The following HIPK2 variants were observed in gnomAD, a reference collection of about 807,000 sequenced individuals.
The protein encoded by HIPK2 is homeodomain-interacting protein kinase 2.
Under a neutral mutation model 113.7 loss-of-function variants are expected in HIPK2, and 27 were observed. The ratio of observed to expected loss-of-function variants is 0.24; its 90% CI spans 0.17 to 0.33. HIPK2 has a LOEUF of 0.33. HIPK2 is among the 10% of genes least tolerant of loss of function. The pLI is 1.00. For synonymous variants in HIPK2, 631 were observed against 642.2 expected (o/e 0.98, Z 0.26); for missense variants, 1,257 against 1,588.0 (o/e 0.79, Z 3.54).
At chr7:139,688,069 G>A (rs1794281738) in intron 2 of HIPK2, among the ~76,000 whole-genome samples, 1 of 152,072 alleles carries the variant, frequency 6.6e-6, no homozygotes, top group Admixed American at 6.5e-5. Flanking sequence ...AGCCCATTGG[G>A]CCTGCAGGGA....
intron 1 of HIPK2, among the ~76,000 whole-genome samples, chr7:139,738,476 T>C (rs1796003525): frequency 6.6e-6 from 1 of 152,244 alleles, no homozygotes; most frequent in Non-Finnish European, 1.5e-5. Flanking sequence ...TTAATTTAAA[T>C]AGCTACTTGT....
At position 139,575,168 on chromosome 7, in the gene HIPK2, C is replaced by A; in HGVS notation, c.3086G>T (p.Gly1029Val). The A allele has an allele frequency of 4.4e-6, 7 of 1,593,458 alleles. No homozygotes were observed. The highest frequency in any genetic ancestry group is 6.0e-6 in the Non-Finnish European group (7 of 1,170,714). ...TGGCTGCTGCTGCTGGAAGTGGGGG[C>A]CCGGCCGCTGCTGCCGGTAGGTGAT... Reference protein sequence around the residue: ...GAITYRQQRPGPHFQQQQPLN... With the variant: ...GAITYRQQRPVPHFQQQQPLN... The change falls in exon 14 of 15, where the codon GGC (glycine) becomes GTC (valine). Residue 1029 changes from glycine (G) to valine (V), a missense_variant. By Grantham distance (109) the Gly-to-Val change is moderately radical (BLOSUM62 -3). This residue lies in a region of HIPK2 where 862 missense variants were observed against 1,004.3 expected (regional missense o/e 0.86). Coordinates refer to ENST00000406875, the MANE Select transcript of HIPK2 (RefSeq NM_022740.5).
intron 9 of HIPK2, among the ~76,000 whole-genome samples, chr7:139,609,494 G>C (rs990591844): frequency 1.3e-5 from 2 of 152,182 alleles, no homozygotes; most frequent in Non-Finnish European, 2.9e-5. Flanking sequence ...AAGATTTTCA[G>C]TATTTAGAGA....
rs1795583850 is a variant in HIPK2, at chr7:139,726,603, T to A, written c.20-9588A>T. 3.3e-5 allele frequency among the ~76,000 whole-genome samples: 5 copies of A among 152,310 alleles called. No homozygotes were observed. The South Asian group carries it at 1.0e-3, about 32-fold the overall frequency. ...CATACTGAAACTCTGAGGCAAGAAA[T>A]TGCTTAATTTACTGAAGTGTCAGGA... On this transcript the variant is annotated intron_variant, in intron 1 of 14. Transcript: ENST00000406875.
At chr7:139,722,239 C>T (rs913821915) in intron 1 of HIPK2, among the ~76,000 whole-genome samples, 1 of 152,118 alleles carries the variant, frequency 6.6e-6, no homozygotes, top group African/African-American at 2.4e-5. Flanking sequence ...AAAATAGCAC[C>T]TATAAAACTG....
chr7:139,679,685 T>C (rs960187240), intron 2 of HIPK2, among the ~76,000 whole-genome samples: 12 of 152,206 alleles, frequency 7.9e-5, no homozygotes, highest in Admixed American at 2.0e-4. Flanking sequence ...TATTTCTCTT[T>C]GTATTCCTAC....
At position 139,713,101 on chromosome 7, in the gene HIPK2, C is replaced by T. The variant is rs537764529; in HGVS notation, c.1103+2831G>A. On this transcript the variant is annotated intron_variant, in intron 2 of 14. Transcript: ENST00000406875. The stretch of plus-strand genomic sequence containing the variant: ...AAAAGAGGGTACTATCACAACTAAA[C>T]GGAGGGTCCTTCAGAGGGATGTGGG... 5.3e-5 allele frequency among the ~76,000 whole-genome samples: 8 copies of T among 152,168 alleles called. No individual in the cohort carries two copies. In the South Asian group the frequency reaches 1.2e-3, roughly 24 times the overall value.
At chr7:139,776,283 G>C (rs1432713558) in intron 1 of HIPK2, among the ~76,000 whole-genome samples, 1 of 146,530 alleles carries the variant, frequency 6.8e-6, no homozygotes, top group Non-Finnish European at 1.5e-5. Flanking sequence ...GTTTCTAAGA[G>C]AGTCTGAAAA....
At chr7:139,653,718 T>C (rs1343958346) in intron 2 of HIPK2, among the ~76,000 whole-genome samples, 1 of 151,960 alleles carries the variant, frequency 6.6e-6, no homozygotes, top group African/African-American at 2.4e-5. Context: ...CATGCTCCTC[T>C]GGCCTCCTCG....
At chr7:139,592,380 G>A (rs551898353) in intron 12 of HIPK2, among the ~76,000 whole-genome samples, 5 of 152,236 alleles carry the variant, frequency 3.3e-5, no homozygotes, top group Admixed American at 3.3e-4. Flanking sequence ...ATGAATAATG[G>A]AGCTGGACAA....
chr7:139,760,152 G>A (rs966170723), intron 1 of HIPK2, among the ~76,000 whole-genome samples: 13 of 151,972 alleles, frequency 8.6e-5, no homozygotes, highest in African/African-American at 2.9e-4. Flanking sequence ...ACAGGCACCC[G>A]CCACCACGCC....
intron 2 of HIPK2, among the ~76,000 whole-genome samples, chr7:139,645,751 T>C (rs1801194709): frequency 6.6e-6 from 1 of 152,116 alleles, no homozygotes; most frequent in Admixed American, 6.5e-5. Context: ...ACTGAGGGTA[T>C]GTTTTTTACC....
chr7:139,631,740 T>G lies in HIPK2; in HGVS notation c.1104-15A>C, dbSNP rs777762717. 9.9e-6 allele frequency: 16 copies of G among 1,608,644 alleles called. No homozygotes were observed. Among genetic ancestry groups the G allele is most frequent in the Non-Finnish European group, 1.4e-5 (16 of 1,177,764 alleles). On this transcript the variant is annotated splice_polypyrimidine_tract_variant and intron_variant, in intron 2 of 14. Transcript: ENST00000406875. This position sits in a 1 kb window ranked among gnomAD's most constrained non-coding sequence, Gnocchi z 4.9. The stretch of plus-strand genomic sequence containing the variant: ...TCTCAGGGGCCCTGAAAAGGAAGAA[T>G]GGAAGAAACCATTAGCAAGTTGGAA...
At chr7:139,709,520 G>A (rs1447462680) in intron 2 of HIPK2, among the ~76,000 whole-genome samples, 1 of 152,174 alleles carries the variant, frequency 6.6e-6, no homozygotes, top group Non-Finnish European at 1.5e-5. Context: ...GTTGATCAGG[G>A]GATCATGGAG....
chr7:139,769,387 C>A (rs983140449), intron 1 of HIPK2, among the ~76,000 whole-genome samples: 1 of 152,214 alleles, frequency 6.6e-6, no homozygotes, highest in African/African-American at 2.4e-5. Context: ...TATACCCAGG[C>A]CAGTAAAAAT....
At position 139,563,929 on chromosome 7, in the gene HIPK2, A is replaced by G. The variant is rs1225082511; in HGVS notation, c.*8998T>C. On this transcript the variant is annotated 3_prime_UTR_variant, in exon 15 of 15. Transcript: ENST00000406875. The stretch of plus-strand genomic sequence containing the variant: ...GAAAACATAAAAGAAACCAAGACTC[A>G]GGGAAACTGCCATTCCCCCAGTCTG... 2.8e-5 allele frequency: 11 copies of G among 398,522 alleles called. No homozygotes were observed. Among genetic ancestry groups the G allele is most frequent in the Non-Finnish European group, 4.4e-5 (10 of 226,080 alleles). The allele number at this position is 398,522 out of a possible 1,614,324, so 24.7% of individuals were successfully genotyped here. A position where few individuals can be genotyped will look rare whatever the true frequency, so the allele number is the denominator to read the frequency against.
intron 2 of HIPK2, among the ~76,000 whole-genome samples, chr7:139,710,903 G>A (rs1435263546): frequency 6.6e-6 from 1 of 152,032 alleles, no homozygotes; most frequent in Non-Finnish European, 1.5e-5. Flanking sequence ...CATATAAGAT[G>A]TGCCTGCTTC....
At chr7:139,776,822 A>G (rs1021102366) in intron 1 of HIPK2, among the ~76,000 whole-genome samples, 1 of 152,342 alleles carries the variant, frequency 6.6e-6, no homozygotes, top group Non-Finnish European at 1.5e-5. Flanking sequence ...GACTGAAGAG[A>G]AACGAAAGAC....
chr7:139,650,318 C>A (rs1471442678), intron 2 of HIPK2, among the ~76,000 whole-genome samples: 2 of 145,490 alleles, frequency 1.4e-5, no homozygotes, highest in African/African-American at 5.2e-5. Flanking sequence ...CCACTGCACT[C>A]CAGCCTGGGC....
Sources: allele counts gnomAD v4.1 joint callset (sites outside exome capture counted in the v4.1 genomes callset), GRCh38; gene constraint gnomAD v4.1.1; regional missense constraint gnomAD v4.1.1; non-coding constraint Gnocchi (gnomAD v3.1); transcripts MANE v1.5; gene names NCBI Gene and HGNC (gene_info 2026-07-23, HGNC 2026-07-21).